The following TACC2 variants were observed in gnomAD, a reference collection of about 807,000 sequenced individuals.
TACC2 encodes the protein transforming acidic coiled-coil containing protein 2.
In TACC2, 137 loss-of-function variants were observed where a neutral mutation model predicts 227.3. The ratio of observed to expected loss-of-function variants is 0.60; its 90% CI spans 0.52 to 0.69. TACC2 has a LOEUF of 0.69. TACC2 is among the 30% of genes least tolerant of loss of function. The probability of loss-of-function intolerance (pLI) is 0.00; values close to 1 mark genes in which losing one functional copy is unlikely to be tolerated. For synonymous variants in TACC2, 1,523 were observed against 1,487.5 expected (o/e 1.02, Z -0.55); for missense variants, 3,470 against 3,694.4 (o/e 0.94, Z 1.57).
intron 5 of TACC2, among the ~76,000 whole-genome samples, chr10:122,092,198 A>G (rs925986354): frequency 5.3e-5 from 8 of 152,152 alleles, no homozygotes; most frequent in Non-Finnish European, 1.2e-4. Flanking sequence ...CCAGCGTTGA[A>G]TTCTTTCTCT....
intron 5 of TACC2, among the ~76,000 whole-genome samples, chr10:122,089,229 A>C (rs1182636353): frequency 6.6e-6 from 1 of 152,174 alleles, no homozygotes; most frequent in Non-Finnish European, 1.5e-5. Flanking sequence ...AATCAATTTC[A>C]GGTTATTTTC....
intron 6 of TACC2, among the ~76,000 whole-genome samples, chr10:122,142,970 G>A (rs931375291): frequency 4.6e-5 from 7 of 152,148 alleles, no homozygotes; most frequent in Admixed American, 6.5e-5. Flanking sequence ...CGGAGGCCCC[G>A]CACGCTGTGG....
intron 2 of TACC2, among the ~76,000 whole-genome samples, chr10:122,030,550 C>T (rs1958812662): frequency 6.6e-6 from 1 of 152,074 alleles, no homozygotes; most frequent in Admixed American, 6.5e-5. Flanking sequence ...ACCCGCATCC[C>T]ACTCCAACTG....
rs1256931312 is a variant in TACC2 at position 122,084,682 on chromosome 10, G to T, written c.2182G>T (p.Val728Phe). ...SEKSDFPPTP[V>F]AEVAPKAQEG... ...GAAATCAGATTTTCCACCAACTCCT[G>T]TTGCAGAGGTTGCACCCAAAGCCCA... is the stretch of plus-strand genomic sequence containing the variant. Residue 728 changes from valine to phenylalanine, a missense_variant, in exon 4 of 23, where the codon GTT (valine) becomes TTT (phenylalanine). By Grantham distance (50) the Val-to-Phe change is conservative (BLOSUM62 -1). Transcript: ENST00000369005. 6.2e-7 allele frequency: 1 copy of T among 1,613,584 alleles called. No homozygotes were observed. The highest frequency in any genetic ancestry group is 8.5e-7 in the Non-Finnish European group (1 of 1,180,048).
intron 7 of TACC2, among the ~76,000 whole-genome samples, chr10:122,151,651 A>G (rs758447053): frequency 4.7e-5 from 7 of 150,330 alleles, no homozygotes; most frequent in Non-Finnish European, 7.4e-5. Context: ...GTTTGGGGAA[A>G]TATCTCTGGT....
intron 3 of TACC2, among the ~76,000 whole-genome samples, chr10:122,064,839 T>C (rs189407852): frequency 6.6e-6 from 1 of 152,342 alleles, no homozygotes; most frequent in East Asian, 1.9e-4. Flanking sequence ...AGATACATAC[T>C]GTGAGTTGTC....
intron 7 of TACC2, among the ~76,000 whole-genome samples, chr10:122,181,862 T>A (rs1297323540): frequency 4.0e-5 from 6 of 151,152 alleles, no homozygotes; most frequent in Admixed American, 2.0e-4. Context: ...GTGTGCTGTT[T>A]ACCAGCTATT....
chr10:122,187,631 C>T (rs546867943), intron 7 of TACC2, among the ~76,000 whole-genome samples: 1 of 152,184 alleles, frequency 6.6e-6, no homozygotes, highest in Admixed American at 6.5e-5. Flanking sequence ...GCTGGAATTA[C>T]AGGCGCCTGC....
chr10:122,068,669 A>AC (rs1408777177), intron 3 of TACC2, among the ~76,000 whole-genome samples: 37 of 40,092 alleles, frequency 9.2e-4, no homozygotes, highest in African/African-American at 1.8e-3. Context: ...CTCCTCCGAA[A>AC]CCTTTTTTTT....
chr10:122,150,773 G>C lies in TACC2; in HGVS notation c.5834+7067G>C, dbSNP rs550270294. Among the ~76,000 whole-genome samples, 4 of 152,226 alleles carry C rather than the reference G, an allele frequency of 2.6e-5. No homozygotes were observed. Among genetic ancestry groups the C allele is most frequent in the Non-Finnish European group, 4.4e-5 (3 of 68,048 alleles). On this transcript the variant is annotated intron_variant, in intron 7 of 22. Transcript: ENST00000369005. The surrounding 1 kb of genome is among the most constrained non-coding windows in gnomAD (Gnocchi z 4.0). ...CTGTCAGGAGAAGGACCTGCTGAGC[G>C]CTGGAGTCTAGGTGGAGTCATGCAG...
chr10:122,067,504 C>A (rs2077507661), intron 3 of TACC2, among the ~76,000 whole-genome samples: 1 of 112,968 alleles, frequency 8.9e-6, no homozygotes, highest in Non-Finnish European at 1.8e-5. Context: ...TTCACTGTTT[C>A]TGGTTTTTTT....
intron 1 of TACC2, among the ~76,000 whole-genome samples, chr10:122,013,158 C>G (rs931932151): frequency 6.6e-6 from 1 of 152,148 alleles, no homozygotes; most frequent in African/African-American, 2.4e-5. Context: ...CAGGGACTCT[C>G]TGAGGTTTTC....
intron 1 of TACC2, among the ~76,000 whole-genome samples, chr10:121,995,449 C>T (rs1953326037): frequency 6.6e-6 from 1 of 152,344 alleles, no homozygotes; most frequent in African/African-American, 2.4e-5. Flanking sequence ...ATCCCACTGA[C>T]ACCACTTATA....
intron 5 of TACC2, among the ~76,000 whole-genome samples, chr10:122,112,530 G>A (rs1025821505): frequency 2.6e-5 from 4 of 152,196 alleles, no homozygotes; most frequent in East Asian, 1.9e-4. Flanking sequence ...AAAAAGGGCC[G>A]GAATTTGGCT....
intron 1 of TACC2, among the ~76,000 whole-genome samples, chr10:122,009,697 G>A (rs1955684278): frequency 6.6e-6 from 1 of 152,170 alleles, no homozygotes; most frequent in Admixed American, 6.6e-5. Context: ...GGAGGCCGAA[G>A]CAGGTGGATC....
Position 122,084,329 on chromosome 10 carries a change from T to A in TACC2, c.1829T>A (p.Val610Glu). ...TTCAGCAGCAAGCGTGATCCAGAAG[T>A]AGGCAAAGATGAGCTTTCAAAGCCA... ...QAFSSKRDPE[V>E]GKDELSKPSS... Residue 610 changes from valine to glutamate, a missense_variant, in exon 4 of 23, where the codon GTA becomes GAA. Transcript: ENST00000369005. The A allele has an allele frequency of 6.2e-7, 1 of 1,613,752 alleles. No homozygotes were observed. Among genetic ancestry groups the A allele is most frequent in the African/African-American group, 1.3e-5 (1 of 75,014 alleles).
At chr10:122,032,002 CT>C (rs534608535) in intron 2 of TACC2, among the ~76,000 whole-genome samples, 1 of 152,334 alleles carries the variant, frequency 6.6e-6, no homozygotes, top group South Asian at 2.1e-4. Context: ...GCCACCGTGC[CT>C]GGCCTCAGCC....
Position 122,141,968 on chromosome 10 carries a change from C to T in TACC2, c.5700-1604C>T, listed in dbSNP as rs944872831. Among the ~76,000 whole-genome samples, 2 of 152,184 alleles carry T rather than the reference C, an allele frequency of 1.3e-5. No homozygotes were observed. Among genetic ancestry groups the T allele is most frequent in the Non-Finnish European group, 2.9e-5 (2 of 68,038 alleles). On this transcript the variant is annotated intron_variant, in intron 6 of 22. Transcript: ENST00000369005. This position sits in a 1 kb window ranked among gnomAD's most constrained non-coding sequence, Gnocchi z 4.3. Reference sequence around the variant, plus strand: ...TAGCTCTCTTAAGGAGCTTAAATGCCTCTGGTAGTTTGCATTATTCATTTT... The same window carrying T: ...TAGCTCTCTTAAGGAGCTTAAATGCTTCTGGTAGTTTGCATTATTCATTTT...
chr10:121,992,179 A>G (rs1277573402), intron 1 of TACC2, among the ~76,000 whole-genome samples: 1 of 152,196 alleles, frequency 6.6e-6, no homozygotes, highest in African/African-American at 2.4e-5. Flanking sequence ...TTCCCAGATC[A>G]ATAAACTGGG....
Sources: gnomAD v4.1 joint callset for allele counts (sites outside exome capture counted in the v4.1 genomes callset) on GRCh38, gnomAD v4.1.1 for gene constraint, Gnocchi (gnomAD v3.1) non-coding constraint, MANE v1.5 for transcripts, NCBI Gene and HGNC (gene_info 2026-07-23, HGNC 2026-07-21) for gene names.